Variants in DEFB104A observed in about 807,000 individuals in gnomAD.
DEFB104A encodes the protein defensin beta 104A.
At chr8:7,838,715 A>G (rs1344189167) in intron 1 of DEFB104A, among the ~76,000 whole-genome samples, 3 of 142,032 alleles carry the variant, frequency 2.1e-5, no homozygotes, top group African/African-American at 7.6e-5. Flanking sequence ...AAAAAAAACA[A>G]AGCAAATCTT....
chr8:7,837,274 G>T (rs1012549410), intron 1 of DEFB104A, among the ~76,000 whole-genome samples: 2 of 134,802 alleles, frequency 1.5e-5, no homozygotes, highest in African/African-American at 5.6e-5. Flanking sequence ...TACAGTGAGA[G>T]AAAATAAGAT....
At chr8:7,838,272 G>A (rs1817686335) in intron 1 of DEFB104A, among the ~76,000 whole-genome samples, 1 of 136,922 alleles carries the variant, frequency 7.3e-6, no homozygotes, top group African/African-American at 2.9e-5. Context: ...TTGTCAACCA[G>A]AAAATGTTTA....
At chr8:7,839,923 C>CCTA (rs1327345494) in intron 1 of DEFB104A, among the ~76,000 whole-genome samples, 491 of 143,126 alleles carry the variant, frequency 3.4e-3, no homozygotes, top group African/African-American at 0.012. Flanking sequence ...CGCTGTCCTC[C>CCTA]CTACCATCAG....
intron 1 of DEFB104A, among the ~76,000 whole-genome samples, chr8:7,839,076 T>G (rs866519636): frequency 2.8e-5 from 4 of 143,492 alleles, no homozygotes; most frequent in South Asian, 4.4e-4. Context: ...ACATACCAAC[T>G]AGGTTTTTCT....
rs1344352476 is a variant in DEFB104A, at chr8:7,840,471, C to T, written c.59-563C>T. On this transcript the variant is annotated intron_variant, in intron 1 of 1. Coordinates refer to ENST00000314265, the MANE Select transcript of DEFB104A (RefSeq NM_080389.3). The stretch of plus-strand genomic sequence containing the variant: ...ATAGGGAGAAAAAATACTTTTGGGG[C>T]ATTTGAATACACGAAGAGGACAGAG... 2.6e-4 allele frequency among the ~76,000 whole-genome samples: 2 copies of T among 7,836 alleles called. 1 individual carries two copies. The highest frequency in any genetic ancestry group is 2.7e-4 in the African/African-American group (2 of 7,460). 5.1% of individuals were successfully genotyped at this position (7,836 alleles called of 152,430 possible).
chr8:7,838,701 C>CAAA lies in DEFB104A; in HGVS notation c.58+2168_58+2170dup, dbSNP rs577769531. 6.1e-3 allele frequency among the ~76,000 whole-genome samples: 51 copies of CAAA among 8,410 alleles called. 1 individual carries two copies. Among genetic ancestry groups the CAAA allele is most frequent in the East Asian group, 0.033 (2 of 60 alleles). The allele number at this position is 8,410 out of a possible 152,430, so 5.5% of individuals were successfully genotyped here. Reference sequence around the variant, plus strand: ...TCTCAAAAAAAACCAAAAAAACAAACAAAAAAAAAAACAAAGCAAATCTTA... The same window carrying CAAA: ...TCTCAAAAAAAACCAAAAAAACAAACAAAAAAAAAAAAAACAAAGCAAATCTTA... On this transcript the variant is annotated intron_variant, in intron 1 of 1. Coordinates refer to ENST00000314265, the MANE Select transcript of DEFB104A (RefSeq NM_080389.3).
At chr8:7,840,042 T>G (rs1382001727) in intron 1 of DEFB104A, among the ~76,000 whole-genome samples, 1 of 152,264 alleles carries the variant, frequency 6.6e-6, no homozygotes, top group Non-Finnish European at 1.5e-5. Context: ...ACCCTGAGAC[T>G]GAGAAGCTAA....
intron 1 of DEFB104A, among the ~76,000 whole-genome samples, chr8:7,839,111 G>A (rs1197604175): frequency 6.9e-6 from 1 of 144,546 alleles, no homozygotes; most frequent in Non-Finnish European, 1.6e-5. Flanking sequence ...ATAAGTTGCT[G>A]TGTGACGTCA....
intron 1 of DEFB104A, among the ~76,000 whole-genome samples, chr8:7,839,662 C>A (rs1193559093): frequency 1.8e-5 from 2 of 109,034 alleles, no homozygotes; most frequent in African/African-American, 5.8e-5. Context: ...AGACATAAAA[C>A]CCTGGTGCGA....
At chr8:7,838,661 C>A (rs1434669896) in intron 1 of DEFB104A, among the ~76,000 whole-genome samples, 1 of 144,310 alleles carries the variant, frequency 6.9e-6, no homozygotes. Context: ...CCCTAGGCGA[C>A]AGAGCAAGAC....
chr8:7,839,032 C>G (rs1440576967), intron 1 of DEFB104A, among the ~76,000 whole-genome samples: 4 of 142,924 alleles, frequency 2.8e-5, no homozygotes, highest in African/African-American at 5.0e-5. Flanking sequence ...GGACTGCATT[C>G]TCCCTTTTGC....
At chr8:7,838,798 G>A (rs1469747252) in intron 1 of DEFB104A, among the ~76,000 whole-genome samples, 1 of 141,210 alleles carries the variant, frequency 7.1e-6, no homozygotes, top group Non-Finnish European at 1.6e-5. Flanking sequence ...AACCACCTTG[G>A]GCACATGTCC....
At position 7,838,701 on chromosome 8, in the gene DEFB104A, C is replaced by CA. The variant is rs577769531; in HGVS notation, c.58+2170dup. Among the ~76,000 whole-genome samples, 26 of 8,296 alleles carry CA rather than the reference C, an allele frequency of 3.1e-3. 1 individual carries two copies. Among genetic ancestry groups the CA allele is most frequent in the Admixed American group, 4.6e-3 (2 of 434 alleles). 5.4% of individuals were successfully genotyped at this position (8,296 alleles called of 152,430 possible). On this transcript the variant is annotated intron_variant, in intron 1 of 1. Coordinates refer to ENST00000314265, the MANE Select transcript of DEFB104A (RefSeq NM_080389.3). ...TCTCAAAAAAAACCAAAAAAACAAA[C>CA]AAAAAAAAAAACAAAGCAAATCTTA...
intron 1 of DEFB104A, among the ~76,000 whole-genome samples, chr8:7,837,093 G>A (rs1307126129): frequency 4.3e-5 from 6 of 141,028 alleles, no homozygotes; most frequent in Non-Finnish European, 7.7e-5. Context: ...CAAATAGCAG[G>A]TGCCTTTGAA....
At chr8:7,836,765 A>G in intron 1 of DEFB104A, among the ~76,000 whole-genome samples, 1 of 145,358 alleles carries the variant, frequency 6.9e-6, no homozygotes, top group East Asian at 2.1e-4. Flanking sequence ...AGGAGGAAAA[A>G]AGAAACGTAG....
rs1335282198 is a variant in DEFB104A at position 7,836,694 on chromosome 8, G to A, written c.58+152G>A. The A allele has an allele frequency of 1.7e-5, 22 of 1,294,604 alleles. No homozygotes were observed. The East Asian group carries it at 5.3e-4, about 31-fold the overall frequency. The allele number at this position is 1,294,604 out of a possible 1,614,324, so 80.2% of individuals were successfully genotyped here. ...CTCTTTGCTTTCATTGGGTCCATTA[G>A]TAAAATGCAGTATGTGGCAGTCCTT... On this transcript the variant is annotated intron_variant, in intron 1 of 1. Coordinates refer to ENST00000314265, the MANE Select transcript of DEFB104A (RefSeq NM_080389.3).
intron 1 of DEFB104A, among the ~76,000 whole-genome samples, chr8:7,836,903 T>C (rs1817661404): frequency 7.0e-6 from 1 of 142,338 alleles, no homozygotes; most frequent in Admixed American, 7.3e-5. Context: ...TTATTCATTG[T>C]TGATTTTGTA....
At chr8:7,839,150 C>T (rs1817707795) in intron 1 of DEFB104A, among the ~76,000 whole-genome samples, 2 of 145,574 alleles carry the variant, frequency 1.4e-5, no homozygotes, top group South Asian at 4.3e-4. Context: ...TCTGAGCCTT[C>T]ATTCCCATCT....
At chr8:7,838,689 C>CAAA (rs1341737440) in intron 1 of DEFB104A, among the ~76,000 whole-genome samples, 1 of 13,332 alleles carries the variant, frequency 7.5e-5, no homozygotes, top group African/African-American at 1.2e-4. Flanking sequence ...CAAAAAAAAC[C>CAAA]AAAAAAACAA....
Sources: allele counts gnomAD v4.1 joint callset (sites outside exome capture counted in the v4.1 genomes callset), GRCh38; gene constraint gnomAD v4.1.1; transcripts MANE v1.5; gene names NCBI Gene and HGNC (gene_info 2026-07-23, HGNC 2026-07-21).